TENM2: variants seen among roughly 807,000 people sequenced by gnomAD.
TENM2 encodes the protein teneurin transmembrane protein 2.
In TENM2, 52 loss-of-function variants were observed where a neutral mutation model predicts 245.2. The ratio of observed to expected loss-of-function variants is 0.21; its 90% CI spans 0.17 to 0.27. TENM2 has a LOEUF of 0.27. Ranked by LOEUF, TENM2 falls within the 10% of genes least tolerant of loss-of-function variation. The pLI is 1.00. For synonymous variants in TENM2, 1,363 were observed against 1,438.9 expected (o/e 0.95, Z 1.19); for missense variants, 3,046 against 3,666.8 (o/e 0.83, Z 4.37).
At chr5:168,140,395 C>T (rs1755436684) in intron 12 of TENM2, among the ~76,000 whole-genome samples, 1 of 152,168 alleles carries the variant, frequency 6.6e-6, no homozygotes, top group South Asian at 2.1e-4. Flanking sequence ...CAGGATTTCC[C>T]ACTAATGCCT....
chr5:167,176,281 C>CT, the TENM2 span, among the ~76,000 whole-genome samples: 2 of 152,058 alleles, frequency 1.3e-5, no homozygotes, highest in African/African-American at 4.8e-5. Context: ...TGTTGTTGTT[C>CT]TTTTTTACCC....
chr5:167,793,606 G>A (rs998298154), intron 2 of TENM2, among the ~76,000 whole-genome samples: 1 of 152,006 alleles, frequency 6.6e-6, no homozygotes, highest in East Asian at 1.9e-4. Flanking sequence ...AGGCCAAGGT[G>A]GGAGGATCAC....
At chr5:167,990,991 T>G (rs1467208776) in intron 4 of TENM2, among the ~76,000 whole-genome samples, 3 of 152,156 alleles carry the variant, frequency 2.0e-5, no homozygotes, top group Non-Finnish European at 2.9e-5. Flanking sequence ...TAACTGGATG[T>G]AAATAAAAAA....
chr5:167,924,998 A>G (rs1338242454), intron 3 of TENM2, among the ~76,000 whole-genome samples: 3 of 152,208 alleles, frequency 2.0e-5, no homozygotes, highest in Non-Finnish European at 2.9e-5. Flanking sequence ...ACAGTTAAAC[A>G]TATACCCAAC....
At chr5:167,182,532 T>G in the TENM2 span, among the ~76,000 whole-genome samples, 1 of 152,196 alleles carries the variant, frequency 6.6e-6, no homozygotes, top group African/African-American at 2.4e-5. Context: ...TAAAATATTT[T>G]CTAAACATTT....
chr5:167,654,348 C>T (rs145869110), intron 2 of TENM2, among the ~76,000 whole-genome samples: 20 of 152,212 alleles, frequency 1.3e-4, no homozygotes, highest in Middle Eastern at 3.4e-3. Context: ...CAGGGGTCCA[C>T]GATGAAGAAG....
the TENM2 span, among the ~76,000 whole-genome samples, chr5:167,111,321 G>A: frequency 1.3e-5 from 2 of 152,144 alleles, no homozygotes; most frequent in Non-Finnish European, 2.9e-5. Context: ...ACTGATGCAT[G>A]TAAGTAGTTG....
In TENM2 at chr5:167,738,683, G is replaced by C. The variant is rs564171502; in HGVS notation, c.503-137303G>C. 2.6e-5 allele frequency among the ~76,000 whole-genome samples: 4 copies of C among 152,282 alleles called. No individual in the cohort carries two copies. The South Asian group carries it at 8.3e-4, about 32-fold the overall frequency. ...TCAGTTCTGGAGGCTGGAAGTCCAA[G>C]ATCGAGGTGTCAGCAGGTGTGGTTT... On this transcript the variant is annotated intron_variant, in intron 2 of 28. Coordinates refer to ENST00000518659, the Ensembl canonical transcript of TENM2.
the TENM2 span, among the ~76,000 whole-genome samples, chr5:167,279,562 C>CTTCCTTCCTTCCTTCCTTCCTTCG: frequency 1.7e-5 from 2 of 119,700 alleles, no homozygotes; most frequent in East Asian, 2.4e-4. Context: ...TCCTTCCTTC[C>CTTCCTTCCTTCCTTCCTTCCTTCG]TTCCTTCTTT....
intron 2 of TENM2, among the ~76,000 whole-genome samples, chr5:167,654,109 C>T (rs542036098): frequency 1.3e-5 from 2 of 152,002 alleles, no homozygotes; most frequent in Admixed American, 1.3e-4. Flanking sequence ...AATAGTAGTA[C>T]TTTTACTAAC....
the TENM2 span, among the ~76,000 whole-genome samples, chr5:167,083,239 C>A: frequency 6.6e-6 from 1 of 152,296 alleles, no homozygotes; most frequent in Non-Finnish European, 1.5e-5. Flanking sequence ...TGTGTGGCCA[C>A]TTCTTCTGTG....
chr5:168,256,585 C>A (rs549123109), intron 27 of TENM2, among the ~76,000 whole-genome samples: 1 of 151,984 alleles, frequency 6.6e-6, no homozygotes, highest in Admixed American at 6.6e-5. Flanking sequence ...GCACCACGCC[C>A]GGCTATTTTT....
intron 12 of TENM2, among the ~76,000 whole-genome samples, chr5:168,155,519 A>G (rs1455258639): frequency 2.0e-5 from 3 of 152,040 alleles, no homozygotes; most frequent in African/African-American, 7.2e-5. Flanking sequence ...CCTTAGCTCC[A>G]GTGGGTTTTC....
chr5:167,456,048 A>G (rs1247181250), intron 2 of TENM2, among the ~76,000 whole-genome samples: 2 of 152,174 alleles, frequency 1.3e-5, no homozygotes, highest in African/African-American at 2.4e-5. Context: ...AAGAGGGACT[A>G]TCATGCTCTA....
chr5:167,033,319 G>C, the TENM2 span, among the ~76,000 whole-genome samples: 9,231 of 152,202 alleles, frequency 0.061, 916 homozygotes, highest in African/African-American at 0.2. Context: ...ATACAACATT[G>C]CTGATGTACA....
intron 4 of TENM2, among the ~76,000 whole-genome samples, chr5:167,956,252 A>G (rs1780550493): frequency 6.6e-6 from 1 of 152,168 alleles, no homozygotes; most frequent in Non-Finnish European, 1.5e-5. Flanking sequence ...GAGTTCACTC[A>G]TGATTTGGCT....
At chr5:167,454,924 G>A (rs1765821389) in intron 2 of TENM2, among the ~76,000 whole-genome samples, 1 of 152,144 alleles carries the variant, frequency 6.6e-6, no homozygotes, top group Non-Finnish European at 1.5e-5. Flanking sequence ...CCAGGGCAAG[G>A]GATGCTTCTT....
intron 1 of TENM2, among the ~76,000 whole-genome samples, chr5:167,372,558 G>A (rs1760502307): frequency 6.6e-6 from 1 of 152,150 alleles, no homozygotes; most frequent in Admixed American, 6.5e-5. Context: ...TAGATAATGA[G>A]ATGTGGGAAA....
At chr5:167,901,182 T>C (rs977450829) in intron 3 of TENM2, among the ~76,000 whole-genome samples, 6 of 151,650 alleles carry the variant, frequency 4.0e-5, no homozygotes, top group Non-Finnish European at 7.4e-5. Context: ...CCTTTTCTCT[T>C]TCTCTTTCTT....
Sources: allele counts gnomAD v4.1 joint callset (sites outside exome capture counted in the v4.1 genomes callset), GRCh38; gene constraint gnomAD v4.1.1; transcripts MANE v1.5; gene names NCBI Gene and HGNC (gene_info 2026-07-23, HGNC 2026-07-21).